DMD: variants seen among roughly 807,000 people sequenced by gnomAD.
The protein encoded by DMD is mutant dystrophin.
Under a neutral mutation model 330.1 loss-of-function variants are expected in DMD, and 63 were observed. That is an observed-to-expected ratio of 0.19 (90% confidence interval 0.16 to 0.24). The LOEUF (loss-of-function observed/expected upper bound fraction) is 0.24. DMD is among the 10% of genes least tolerant of loss of function. The pLI is 1.00. For synonymous variants in DMD, 1,223 were observed against 959.8 expected (o/e 1.27, Z -5.07); for missense variants, 3,344 against 2,684.1 (o/e 1.25, Z -5.43).
At chrX:32,443,680 C>T (rs1286286641) in intron 27 of DMD, among the ~76,000 whole-genome samples, 3 of 110,948 alleles carry the variant, frequency 2.7e-5, no homozygotes, top group Non-Finnish European at 3.8e-5. Context: ...GCTGAATGTA[C>T]CAGCTTTACA....
chrX:32,887,385 T>A (rs1395701628), intron 2 of DMD, among the ~76,000 whole-genome samples: 1 of 109,628 alleles, frequency 9.1e-6, no homozygotes, highest in Non-Finnish European at 1.9e-5. Context: ...TGGACCCTTA[T>A]CTGTTATATA....
At chrX:31,410,803 A>G (rs1482848308) in intron 60 of DMD, among the ~76,000 whole-genome samples, 1 of 108,858 alleles carries the variant, frequency 9.2e-6, no homozygotes, top group African/African-American at 3.3e-5. Context: ...AAGTGGTGCG[A>G]TCTCGGCTCA....
In DMD at chrX:31,231,832, G is replaced by A. The variant is rs778020856; in HGVS notation, c.9287-8711C>T. ...TGGGAGGTGGAGGCTGCAGTGAGCC[G>A]AGATTGTGCCGTTGCACTCCAGCCT... On this transcript the variant is annotated intron_variant, in intron 63 of 78. Coordinates refer to ENST00000357033, the MANE Select transcript of DMD (RefSeq NM_004006.3). Among the ~76,000 whole-genome samples, 6 of 111,995 alleles carry A rather than the reference G, an allele frequency of 5.4e-5. No homozygotes were observed. In the South Asian group the frequency reaches 1.1e-3, roughly 21 times the overall value.
At chrX:32,749,995 T>C (rs1476969486) in intron 7 of DMD, among the ~76,000 whole-genome samples, 2 of 112,343 alleles carry the variant, frequency 1.8e-5, no homozygotes, top group South Asian at 3.7e-4. Context: ...TGAAATGTGA[T>C]TGTGAGCCAT....
At chrX:32,700,273 A>G (rs1437032193) in intron 7 of DMD, among the ~76,000 whole-genome samples, 1 of 111,371 alleles carries the variant, frequency 9.0e-6, no homozygotes, top group Admixed American at 9.6e-5. Flanking sequence ...TTGAGACAGC[A>G]TGTGTAAATC....
chrX:32,472,660 G>A lies in DMD; in HGVS notation c.2804-351C>T, dbSNP rs765848802. Among the ~76,000 whole-genome samples the A allele has an allele frequency of 2.4e-4, 27 of 110,990 alleles. 1 individual carries two copies. Among genetic ancestry groups the A allele is most frequent in the South Asian group, 3.8e-4 (1 of 2,631 alleles). ...GATACAGATGGTATTTGCAGAAACCGAGCAGGGTCCAATTGTATCTGATAC... is the reference window on the plus strand; with the variant it reads ...GATACAGATGGTATTTGCAGAAACCAAGCAGGGTCCAATTGTATCTGATAC... On this transcript the variant is annotated intron_variant, in intron 21 of 78. Transcript: ENST00000357033.
chrX:32,386,729 G>T (rs868047055), intron 32 of DMD, among the ~76,000 whole-genome samples: 2 of 107,293 alleles, frequency 1.9e-5, no homozygotes, highest in Non-Finnish European at 3.9e-5. Flanking sequence ...TGTGTTTTGT[G>T]ATATATATAT....
At chrX:31,993,978 C>G (rs1196181462) in intron 44 of DMD, among the ~76,000 whole-genome samples, 1 of 111,215 alleles carries the variant, frequency 9.0e-6, no homozygotes, top group Non-Finnish European at 1.9e-5. Context: ...ATAGCCCAGC[C>G]TCTGTAAATA....
chrX:31,950,737 T>A (rs1384104993), intron 45 of DMD, among the ~76,000 whole-genome samples: 5 of 110,985 alleles, frequency 4.5e-5, no homozygotes, highest in African/African-American at 1.6e-4. Flanking sequence ...ATTAAAAATG[T>A]CTTTTTCTCT....
intron 2 of DMD, among the ~76,000 whole-genome samples, chrX:32,948,620 GT>G (rs761469836): frequency 3.1e-4 from 35 of 111,958 alleles, no homozygotes; most frequent in Non-Finnish European, 5.5e-4. Context: ...GAACTTTGCA[GT>G]TGCTAAGGAG....
chrX:32,995,053 C>T (rs1232111277), intron 2 of DMD, among the ~76,000 whole-genome samples: 2 of 111,449 alleles, frequency 1.8e-5, no homozygotes, highest in Non-Finnish European at 3.8e-5. Flanking sequence ...TGCAATGAGC[C>T]GCAATGACTC....
At chrX:31,685,500 T>G (rs902862650) in intron 52 of DMD, among the ~76,000 whole-genome samples, 7 of 112,532 alleles carry the variant, frequency 6.2e-5, no homozygotes, top group African/African-American at 1.9e-4. Flanking sequence ...CATAACACTT[T>G]GTTAAGATTT....
At chrX:33,314,559 GTTTTTTTTTTGTTTTTT>G (rs1341823600) in intron 1 of DMD, among the ~76,000 whole-genome samples, 1 of 57,485 alleles carries the variant, frequency 1.7e-5, no homozygotes, top group Non-Finnish European at 3.2e-5. Context: ...TGCCCAGCCT[GTTTTTTTTTTGTTTTTT>G]TTTTTTTTTT....
chrX:31,941,118 G>A (rs187200583), intron 45 of DMD, among the ~76,000 whole-genome samples: 187 of 112,003 alleles, frequency 1.7e-3, no homozygotes, highest in African/African-American at 5.3e-3. Flanking sequence ...TGTCTACACA[G>A]TTGCTGAAAC....
At chrX:33,100,853 C>T (rs1306493044) in intron 1 of DMD, among the ~76,000 whole-genome samples, 1 of 111,565 alleles carries the variant, frequency 9.0e-6, no homozygotes, top group Non-Finnish European at 1.9e-5. Context: ...TCTACCCCTA[C>T]CAATTTTTTC....
At chrX:31,356,351 T>C (rs1259277397) in intron 60 of DMD, among the ~76,000 whole-genome samples, 1 of 111,202 alleles carries the variant, frequency 9.0e-6, no homozygotes, top group African/African-American at 3.3e-5. Context: ...CTCCTTTTTT[T>C]ATTCCCTCCT....
intron 55 of DMD, among the ~76,000 whole-genome samples, chrX:31,530,533 C>T (rs1348994612): frequency 1.8e-5 from 2 of 108,762 alleles, no homozygotes; most frequent in African/African-American, 3.3e-5. Flanking sequence ...TACATTAATA[C>T]ATTGATTAGT....
chrX:33,311,092 T>C (rs1343834390), intron 1 of DMD, among the ~76,000 whole-genome samples: 1 of 110,435 alleles, frequency 9.1e-6, no homozygotes, highest in Non-Finnish European at 1.9e-5. Context: ...CACATATACA[T>C]ATACTTAATA....
At chrX:32,615,767 A>C (rs1344746832) in intron 11 of DMD, among the ~76,000 whole-genome samples, 3 of 111,522 alleles carry the variant, frequency 2.7e-5, no homozygotes, top group South Asian at 3.7e-4. Flanking sequence ...TTATAATACA[A>C]AGAGTTATCA....
Sources: allele counts gnomAD v4.1 joint callset (sites outside exome capture counted in the v4.1 genomes callset), GRCh38; gene constraint gnomAD v4.1.1; transcripts MANE v1.5; gene names NCBI Gene and HGNC (gene_info 2026-07-23, HGNC 2026-07-21).